The following BMPR2 variants were observed in gnomAD, a reference collection of about 807,000 sequenced individuals.
BMPR2 encodes the protein bone morphogenetic protein receptor type 2.
A neutral mutation model predicts 100.8 loss-of-function variants in BMPR2; 29 were observed. The observed-to-expected ratio is 0.29, with a 90% CI of 0.21 to 0.39. The LOEUF (loss-of-function observed/expected upper bound fraction) is 0.39. Ranked by LOEUF, BMPR2 falls within the 10% of genes least tolerant of loss-of-function variation. The pLI, the probability that BMPR2 is intolerant of heterozygous loss-of-function variation, is 1.00. For synonymous variants in BMPR2, 382 were observed against 442.3 expected, an observed-to-expected ratio of 0.86 and a Z score of 1.71; for missense variants, 1,011 against 1,274.5, an observed-to-expected ratio of 0.79 and a Z score of 3.15.
intron 3 of BMPR2, among the ~76,000 whole-genome samples, chr2:202,470,259 T>C (rs1692408969): frequency 6.6e-6 from 1 of 151,976 alleles, no homozygotes; most frequent in Non-Finnish European, 1.5e-5. Context: ...GGAGAATCAC[T>C]TGAACCTGGG....
At chr2:202,496,688 C>G (rs943837712) in intron 3 of BMPR2, among the ~76,000 whole-genome samples, 2 of 152,250 alleles carry the variant, frequency 1.3e-5, no homozygotes, top group African/African-American at 4.8e-5. Context: ...TACTTAGGTG[C>G]CTTTTGACCC....
chr2:202,466,387 A>G (rs1436145782), intron 2 of BMPR2, among the ~76,000 whole-genome samples: 1 of 151,876 alleles, frequency 6.6e-6, no homozygotes, highest in Non-Finnish European at 1.5e-5. Flanking sequence ...CCCGGGTTCA[A>G]GCGATTCTCC....
intron 1 of BMPR2, among the ~76,000 whole-genome samples, chr2:202,452,784 T>C (rs1192714485): frequency 6.6e-6 from 1 of 152,254 alleles, no homozygotes; most frequent in Non-Finnish European, 1.5e-5. Flanking sequence ...TTTTAGCTTA[T>C]ACTTTAATGA....
chr2:202,528,422 C>T (rs1687958343), intron 7 of BMPR2, among the ~76,000 whole-genome samples: 1 of 152,060 alleles, frequency 6.6e-6, no homozygotes, highest in African/African-American at 2.4e-5. Flanking sequence ...CTCCTGACCT[C>T]GTGATCCACC....
chr2:202,380,056 A>G (rs1384748520), intron 1 of BMPR2, among the ~76,000 whole-genome samples: 3 of 151,884 alleles, frequency 2.0e-5, no homozygotes, highest in Admixed American at 2.0e-4. Flanking sequence ...TTTAGTGGAG[A>G]CGGGGTTTCA....
rs572423023 is a variant in BMPR2, at chr2:202,429,727, C to G, written c.77-35082C>G. ...GACTGGGGAGGCCTCAGGAAACTTA[C>G]AATCGTGGCAGAAGGGGAAGCAGGT... On this transcript the variant is annotated intron_variant, in intron 1 of 12. Transcript: ENST00000374580. 2.6e-5 allele frequency among the ~76,000 whole-genome samples: 4 copies of G among 152,230 alleles called. No individual in the cohort carries two copies. In the East Asian group the frequency reaches 7.7e-4, roughly 29 times the overall value.
intron 1 of BMPR2, among the ~76,000 whole-genome samples, chr2:202,459,542 A>G (rs1692185004): frequency 6.6e-6 from 1 of 152,080 alleles, no homozygotes; most frequent in Admixed American, 6.6e-5. Flanking sequence ...CTATGTGTCC[A>G]TGTGTTTTCA....
At chr2:202,484,829 C>T (rs1402498357) in intron 3 of BMPR2, among the ~76,000 whole-genome samples, 8 of 150,698 alleles carry the variant, frequency 5.3e-5, no homozygotes, top group African/African-American at 2.0e-4. Context: ...ATTAGCCAGG[C>T]GTGGTGGCGG....
chr2:202,556,026 A>C lies in BMPR2; in HGVS notation c.2361A>C (p.Gly787=), dbSNP rs1175402398. The change falls in exon 12 of 13, where the codon GGA becomes GGC. Residue 787 remains glycine (G), a synonymous_variant. Transcript: ENST00000374580. ...CAAACTTGAAACAAGTCGAAACTGG[A>C]GTTGCCAAGATGAATACAATCAATG... ...HKSNLKQVET[G]VAKMNTINAA... is the part of the protein sequence containing the mutation. 1.2e-6 allele frequency: 2 copies of C among 1,614,084 alleles called. No homozygotes were observed. The highest frequency in any genetic ancestry group is 2.2e-5 in the East Asian group (1 of 44,900).
At chr2:202,378,525 A>C (rs1690204716) in intron 1 of BMPR2, among the ~76,000 whole-genome samples, 2 of 152,158 alleles carry the variant, frequency 1.3e-5, no homozygotes, top group Non-Finnish European at 2.9e-5. Flanking sequence ...CAAATTTCTC[A>C]TTGCTATGTT....
chr2:202,449,463 C>T (rs536614163), intron 1 of BMPR2, among the ~76,000 whole-genome samples: 7 of 152,212 alleles, frequency 4.6e-5, no homozygotes, highest in East Asian at 1.9e-4. Flanking sequence ...ATCCCCAAAC[C>T]GATATGAGTG....
intron 9 of BMPR2, among the ~76,000 whole-genome samples, chr2:202,535,278 A>G (rs1186773015): frequency 1.3e-5 from 2 of 149,970 alleles, no homozygotes; most frequent in Non-Finnish European, 3.0e-5. Context: ...GAGGCTCCTC[A>G]CTTCTCAGAC....
At chr2:202,394,311 A>G (rs1023935078) in intron 1 of BMPR2, among the ~76,000 whole-genome samples, 2 of 152,004 alleles carry the variant, frequency 1.3e-5, no homozygotes, top group African/African-American at 2.4e-5. Flanking sequence ...AGATCGTGCC[A>G]TTGCACTCCA....
intron 3 of BMPR2, among the ~76,000 whole-genome samples, chr2:202,477,985 A>G (rs1426061003): frequency 6.6e-6 from 1 of 152,176 alleles, no homozygotes; most frequent in Non-Finnish European, 1.5e-5. Flanking sequence ...CAAAACCAAT[A>G]TTCACAGTGC....
intron 3 of BMPR2, among the ~76,000 whole-genome samples, chr2:202,511,200 G>A (rs1687617454): frequency 6.6e-6 from 1 of 152,064 alleles, no homozygotes; most frequent in South Asian, 2.1e-4. Context: ...CCTGCTTTCT[G>A]TCTATGAATT....
intron 1 of BMPR2, among the ~76,000 whole-genome samples, chr2:202,393,496 A>C (rs1690592117): frequency 6.6e-6 from 1 of 152,082 alleles, no homozygotes; most frequent in African/African-American, 2.4e-5. Context: ...AGGTCTCGCC[A>C]TGTTGCCCAG....
At chr2:202,542,516 A>C in intron 10 of BMPR2, 69 bp downstream of exon 10, 1 of 1,558,280 alleles carries the variant, frequency 6.4e-7, no homozygotes, top group Non-Finnish European at 8.8e-7. Flanking sequence ...TTTGAAACAA[A>C]AATAGACTGT....
chr2:202,434,612 C>A (rs1338853181), intron 1 of BMPR2, among the ~76,000 whole-genome samples: 1 of 149,248 alleles, frequency 6.7e-6, no homozygotes, highest in Non-Finnish European at 1.5e-5. Flanking sequence ...CTTTTTGTTT[C>A]CTAATCTTTT....
chr2:202,460,485 G>C (rs1332676434), intron 1 of BMPR2, among the ~76,000 whole-genome samples: 1 of 152,108 alleles, frequency 6.6e-6, no homozygotes, highest in African/African-American at 2.4e-5. Flanking sequence ...AGAACATACT[G>C]TACTGATATC....
Sources: gnomAD v4.1 joint callset for allele counts (sites outside exome capture counted in the v4.1 genomes callset) on GRCh38, gnomAD v4.1.1 for gene constraint, MANE v1.5 for transcripts, NCBI Gene and HGNC (gene_info 2026-07-23, HGNC 2026-07-21) for gene names.